The following MED27 variants were observed in gnomAD, a reference collection of about 807,000 sequenced individuals.
MED27 encodes the protein mediator complex subunit 27.
In MED27, 30 loss-of-function variants were observed where a neutral mutation model predicts 38.2. That is an observed-to-expected ratio of 0.79 (90% confidence interval 0.59 to 1.07). The LOEUF is 1.07. Among genes scored for constraint, MED27 ranks in the 50% least tolerant of loss-of-function variants. The pLI, the probability that MED27 is intolerant of heterozygous loss-of-function variation, is 0.00. For synonymous variants in MED27, 122 were observed against 153.5 expected, an observed-to-expected ratio of 0.79 and a Z score of 1.52; for missense variants, 289 against 397.5, an observed-to-expected ratio of 0.73 and a Z score of 2.32.
chr9:131,905,369 C>T (rs900689317), intron 4 of MED27, among the ~76,000 whole-genome samples: 2 of 152,206 alleles, frequency 1.3e-5, no homozygotes, highest in South Asian at 2.1e-4. Flanking sequence ...CTGAACATGA[C>T]AGTAATGAAG....
At chr9:131,922,613 G>GTATTTT (rs1470560961) in intron 4 of MED27, among the ~76,000 whole-genome samples, 1 of 148,680 alleles carries the variant, frequency 6.7e-6, no homozygotes, top group Non-Finnish European at 1.5e-5. Flanking sequence ...GCTAATTTTT[G>GTATTTT]TATTTTTATT....
chr9:131,932,158 A>G (rs542240943), intron 4 of MED27, among the ~76,000 whole-genome samples: 4 of 152,250 alleles, frequency 2.6e-5, no homozygotes, highest in Non-Finnish European at 5.9e-5. Flanking sequence ...AAAAAAAACT[A>G]TAAGAATATC....
At chr9:131,923,169 T>C (rs1589214185) in intron 4 of MED27, among the ~76,000 whole-genome samples, 1 of 152,220 alleles carries the variant, frequency 6.6e-6, no homozygotes, top group African/African-American at 2.4e-5. Flanking sequence ...CAGACACATC[T>C]ATATCTATTT....
intron 4 of MED27, among the ~76,000 whole-genome samples, chr9:131,919,770 C>A (rs1258148252): frequency 6.6e-6 from 1 of 151,490 alleles, no homozygotes; most frequent in Non-Finnish European, 1.5e-5. Context: ...AAACTTTATA[C>A]TGTAAATTGT....
intron 5 of MED27, among the ~76,000 whole-genome samples, chr9:131,891,582 C>T (rs1170098361): frequency 6.6e-6 from 1 of 152,194 alleles, no homozygotes; most frequent in Non-Finnish European, 1.5e-5. Flanking sequence ...CTTTCTCTAA[C>T]CCAGAGTTTC....
chr9:132,073,749 TAAAA>T (rs201020577), intron 2 of MED27: 5 of 1,300,956 alleles, frequency 3.8e-6, no homozygotes, highest in Non-Finnish European at 4.0e-6. Flanking sequence ...CTTTCTGTAA[TAAAA>T]AAAAAATCAA....
At chr9:132,019,685 T>C (rs1353627684) in intron 2 of MED27, among the ~76,000 whole-genome samples, 1 of 152,230 alleles carries the variant, frequency 6.6e-6, no homozygotes, top group African/African-American at 2.4e-5. Context: ...GGTCACACCA[T>C]TCGCAGGAGG....
chr9:131,920,669 C>G (rs1830373081), intron 4 of MED27, among the ~76,000 whole-genome samples: 1 of 152,102 alleles, frequency 6.6e-6, no homozygotes, highest in Non-Finnish European at 1.5e-5. Context: ...GGGGTGTAGT[C>G]AGTTGCACTT....
intron 4 of MED27, among the ~76,000 whole-genome samples, chr9:131,926,231 G>C (rs1225497460): frequency 6.6e-6 from 1 of 152,202 alleles, no homozygotes. Flanking sequence ...ACAGTGCCTA[G>C]AACTATGCCT....
At chr9:132,052,674 C>A (rs1001713950) in intron 2 of MED27, among the ~76,000 whole-genome samples, 3 of 150,128 alleles carry the variant, frequency 2.0e-5, no homozygotes, top group Admixed American at 2.0e-4. Context: ...TCCCACCCTC[C>A]CACCTTTCTC....
intron 3 of MED27, among the ~76,000 whole-genome samples, chr9:131,970,137 G>A (rs1473696226): frequency 2.6e-5 from 4 of 152,194 alleles, no homozygotes; most frequent in Non-Finnish European, 5.9e-5. Context: ...GTCCTCTGAG[G>A]GTGTGCATGC....
intron 2 of MED27, among the ~76,000 whole-genome samples, chr9:132,064,670 A>G (rs1396729687): frequency 6.6e-6 from 1 of 152,250 alleles, no homozygotes; most frequent in African/African-American, 2.4e-5. Context: ...CTAACAATAC[A>G]TTTGCACTAA....
At chr9:131,987,124 T>C (rs1310963121) in intron 3 of MED27, among the ~76,000 whole-genome samples, 3 of 150,828 alleles carry the variant, frequency 2.0e-5, no homozygotes, top group African/African-American at 7.3e-5. Context: ...TGCCTCCTGG[T>C]ATTAAATGAC....
intron 3 of MED27, among the ~76,000 whole-genome samples, chr9:132,009,530 C>T (rs1157307245): frequency 6.6e-6 from 1 of 152,222 alleles, no homozygotes; most frequent in Non-Finnish European, 1.5e-5. Flanking sequence ...ATTCAAGCAG[C>T]CTGCGGAGAG....
intron 3 of MED27, among the ~76,000 whole-genome samples, chr9:131,976,267 A>G (rs1212169929): frequency 7.9e-5 from 12 of 152,190 alleles, no homozygotes; most frequent in Admixed American, 7.9e-4. Flanking sequence ...CTAAATCAAG[A>G]AAGCCCAGAA....
chr9:131,874,657 C>T (rs1034666071), intron 6 of MED27, among the ~76,000 whole-genome samples: 1 of 152,220 alleles, frequency 6.6e-6, no homozygotes, highest in African/African-American at 2.4e-5. Flanking sequence ...TCCTGACCGC[C>T]TTCGGCGTCT....
At chr9:131,940,032 G>A (rs908681932) in intron 3 of MED27, among the ~76,000 whole-genome samples, 3 of 149,008 alleles carry the variant, frequency 2.0e-5, no homozygotes, top group South Asian at 4.3e-4. Flanking sequence ...TCAGCCTCCC[G>A]AGTAGCTGGG....
At chr9:131,949,811 C>T (rs1011491973) in intron 3 of MED27, among the ~76,000 whole-genome samples, 24 of 152,172 alleles carry the variant, frequency 1.6e-4, no homozygotes, top group African/African-American at 5.6e-4. Flanking sequence ...GAAGGCTTGT[C>T]TCCAGAGAAA....
At chr9:131,967,110 T>C (rs1239034452) in intron 3 of MED27, among the ~76,000 whole-genome samples, 2 of 152,280 alleles carry the variant, frequency 1.3e-5, no homozygotes, top group Non-Finnish European at 2.9e-5. Context: ...CTATCATTAA[T>C]GTTCTATCAG....
Sources: allele counts gnomAD v4.1 joint callset (sites outside exome capture counted in the v4.1 genomes callset), GRCh38; gene constraint gnomAD v4.1.1; transcripts MANE v1.5; gene names NCBI Gene and HGNC (gene_info 2026-07-23, HGNC 2026-07-21).